The following CCNC variants were observed in gnomAD, a reference collection of about 807,000 sequenced individuals.
The protein encoded by CCNC is cyclin-C.
CCNC carries 19 observed loss-of-function variants against 50.0 expected under a neutral mutation model. That is an observed-to-expected ratio of 0.38 (90% CI 0.27 to 0.56). The LOEUF is 0.56. Ranked by LOEUF, CCNC falls within the 20% of genes least tolerant of loss-of-function variation. The pLI is 0.72. For synonymous variants in CCNC, 93 were observed against 103.7 expected, an observed-to-expected ratio of 0.90 and a Z score of 0.63; for missense variants, 200 against 327.1, an observed-to-expected ratio of 0.61 and a Z score of 3.00.
intron 7 of CCNC, chr6:99,550,732 C>G (rs771571790): frequency 2.0e-4 from 50 of 251,190 alleles, no homozygotes; most frequent in Non-Finnish European, 3.6e-4. Context: ...AATGTCCTGA[C>G]TTGTCTGTTT....
intron 1 of CCNC, chr6:99,566,807 A>T (rs1211461205): frequency 3.6e-6 from 1 of 281,136 alleles, no homozygotes; most frequent in Non-Finnish European, 7.1e-6. Context: ...TGCCATGCTG[A>T]TTTCAAAGAT....
rs796471188 is a variant in CCNC at position 99,562,871 on chromosome 6, T to C, written c.110A>G (p.Tyr37Cys). 2 of 1,602,556 alleles carry C rather than the reference T, an allele frequency of 1.2e-6. No individual in the cohort carries two copies. Among genetic ancestry groups the C allele is most frequent in the Non-Finnish European group, 1.7e-6 (2 of 1,174,914 alleles). The change falls in exon 2 of 12, where the codon TAT becomes TGT. Residue 37 changes from tyrosine to cysteine, a missense_variant. Tyr to Cys is a radical substitution (Grantham distance 194, BLOSUM62 -2). Coordinates refer to ENST00000520429, the MANE Select transcript of CCNC (RefSeq NM_005190.4). ...TGTAAAAAATATTTGTAACTTCCAATATTCTTCCTCTGAGAGAAACTTTAA... is the reference window on the plus strand; with the variant it reads ...TGTAAAAAATATTTGTAACTTCCAACATTCTTCCTCTGAGAGAAACTTTAA... The part of the protein sequence containing the change: ...KDLKFLSEEE[Y>C]WKLQIFFTNV...
chr6:99,556,927 C>T (rs975995163), intron 5 of CCNC, among the ~76,000 whole-genome samples: 4 of 152,156 alleles, frequency 2.6e-5, no homozygotes, highest in African/African-American at 7.2e-5. Context: ...TCTCAAATAA[C>T]TAACTTTCAT....
At position 99,543,629 on chromosome 6, in the gene CCNC, A is replaced by G. The variant is rs1391890151; in HGVS notation, c.798-20T>C. On this transcript the variant is annotated intron_variant, in intron 11 of 11. Coordinates refer to ENST00000520429, the MANE Select transcript of CCNC (RefSeq NM_005190.4). Reference sequence around the variant, plus strand: ...CCTTCACTGTTCAAATGGGGAAGAAAGAGATTTTATACCAATTAAAAGATC... The same window carrying G: ...CCTTCACTGTTCAAATGGGGAAGAAGGAGATTTTATACCAATTAAAAGATC... 4 of 1,612,462 alleles carry G rather than the reference A, an allele frequency of 2.5e-6. No individual in the cohort carries two copies. Among genetic ancestry groups the G allele is most frequent in the African/African-American group, 2.7e-5 (2 of 74,878 alleles).
intron 1 of CCNC, chr6:99,568,162 G>A (rs1197514876): frequency 5.2e-6 from 2 of 386,700 alleles, no homozygotes; most frequent in Middle Eastern, 7.8e-4. Context: ...CTTGAGCTGA[G>A]TCACACTTCC....
chr6:99,547,486 C>G (rs1479492017), intron 9 of CCNC, among the ~76,000 whole-genome samples: 1 of 130,648 alleles, frequency 7.7e-6, no homozygotes, highest in African/African-American at 2.9e-5. Flanking sequence ...CCAAGTCTTA[C>G]AAAAAAAAAA....
rs1166095439 is a variant in CCNC at position 99,543,782 on chromosome 6, G to A, written c.798-173C>T. Reference sequence around the variant, plus strand: ...AAAATCCAGAAGACTAACAAACATTGGTTTTATGTTTTTATTCTTATATAA... The same window carrying A: ...AAAATCCAGAAGACTAACAAACATTAGTTTTATGTTTTTATTCTTATATAA... On this transcript the variant is annotated intron_variant, in intron 11 of 11. Transcript: ENST00000520429. The A allele has an allele frequency of 3.6e-6, 5 of 1,404,582 alleles. No homozygotes were observed. In the African/African-American group the frequency reaches 7.3e-5, roughly 20 times the overall value. 87.0% of individuals were successfully genotyped at this position (1,404,582 alleles called of 1,614,324 possible). A position where few individuals can be genotyped will look rare whatever the true frequency, so the allele number is the denominator to read the frequency against.
chr6:99,567,735 G>A (rs1374911795), intron 1 of CCNC, among the ~76,000 whole-genome samples: 1 of 152,030 alleles, frequency 6.6e-6, no homozygotes, highest in Non-Finnish European at 1.5e-5. Context: ...ACCCCATAAC[G>A]CACCTTCCTG....
At chr6:99,559,299 A>C (rs1246154869) in intron 4 of CCNC, among the ~76,000 whole-genome samples, 1 of 152,284 alleles carries the variant, frequency 6.6e-6, no homozygotes, top group Admixed American at 6.5e-5. Context: ...TCAACTGAAC[A>C]ACCACCATTG....
At chr6:99,568,753 C>T (rs549551757), upstream of CCNC, 44 of 1,381,288 alleles carry the variant, frequency 3.2e-5, no homozygotes, top group African/African-American at 6.0e-4. Context: ...AAGTTCCGGC[C>T]CGCGGTAGCG....
At position 99,558,603 on chromosome 6, in the gene CCNC, C is replaced by G. The variant is rs1802644425; in HGVS notation, c.295-55G>C. ...CCCAATGAATCTAAGGGTATCTGAA[C>G]TCTATTCAAAACAGGATTTCCTTGC... On this transcript the variant is annotated intron_variant, in intron 4 of 11. Transcript: ENST00000520429. The G allele has an allele frequency of 3.3e-6, 5 of 1,498,762 alleles. No individual in the cohort carries two copies. In the Admixed American group the frequency reaches 1.1e-4, roughly 33 times the overall value. The allele number at this position is 1,498,762 out of a possible 1,614,324, so 92.8% of individuals were successfully genotyped here.
chr6:99,563,370 T>C (rs1768938102), intron 1 of CCNC, among the ~76,000 whole-genome samples: 1 of 152,230 alleles, frequency 6.6e-6, no homozygotes, highest in South Asian at 2.1e-4. Context: ...CATGGGTAAC[T>C]ATGGCATTTA....
intron 2 of CCNC, 108 bp downstream of exon 2, chr6:99,562,734 C>A: frequency 8.3e-6 from 5 of 603,950 alleles, no homozygotes; most frequent in South Asian, 2.2e-5. Flanking sequence ...CCTGTATAAG[C>A]AAAAATGTTA....
At chr6:99,556,381 C>A (rs956953904) in intron 5 of CCNC, among the ~76,000 whole-genome samples, 1 of 152,164 alleles carries the variant, frequency 6.6e-6, no homozygotes, top group African/African-American at 2.4e-5. Flanking sequence ...ACCATAATGT[C>A]CTCAAGGTTC....
chr6:99,552,455 G>A (rs1031205326), intron 5 of CCNC, among the ~76,000 whole-genome samples: 3 of 151,670 alleles, frequency 2.0e-5, no homozygotes, highest in African/African-American at 7.3e-5. Flanking sequence ...ATATGCAAAG[G>A]TCTCGAGTTA....
intron 1 of CCNC, 72 bp from the exon 2 acceptor site, chr6:99,563,020 C>T (rs1186770318): frequency 4.2e-6 from 4 of 943,174 alleles, no homozygotes; most frequent in South Asian, 2.9e-5. Flanking sequence ...ACACATTGTT[C>T]ATATTCTGAG....
chr6:99,556,365 T>C (rs981533087), intron 5 of CCNC, among the ~76,000 whole-genome samples: 3 of 152,230 alleles, frequency 2.0e-5, no homozygotes, highest in African/African-American at 7.2e-5. Context: ...CTGGCTTATT[T>C]CACTTACCAT....
In CCNC at chr6:99,561,382, CA is replaced by C; in HGVS notation, c.278del (p.Leu93TrpfsTer5). 6.2e-6 allele frequency: 10 copies of C among 1,602,636 alleles called. No homozygotes were observed. The highest frequency in any genetic ancestry group is 8.5e-6 in the Non-Finnish European group (10 of 1,173,382). ...TGTTTTATACCTCTACTTTGGATGC[CA>C]AAAACACACATGTAGGAGCCATTAA... ...PVLMAPTCVFLASKVEEFGVV... is the reference protein window; with the variant it reads ...PVLMAPTCVFXASKVEEFGVV... On this transcript the variant is annotated frameshift_variant, in exon 4 of 12. Transcript: ENST00000520429. LOFTEE classifies it high-confidence loss of function.
chr6:99,556,265 T>C (rs1802505981), intron 5 of CCNC, among the ~76,000 whole-genome samples: 2 of 152,186 alleles, frequency 1.3e-5, no homozygotes, highest in South Asian at 4.1e-4. Context: ...TATACCACCC[T>C]TCCTCCAGCC....
Sources: allele counts gnomAD v4.1 joint callset (sites outside exome capture counted in the v4.1 genomes callset), GRCh38; gene constraint gnomAD v4.1.1; transcripts MANE v1.5; gene names NCBI Gene and HGNC (gene_info 2026-07-23, HGNC 2026-07-21).